The following RAI1 variants were observed in gnomAD, a reference collection of about 807,000 sequenced individuals.
RAI1 encodes retinoic acid induced 1.
A neutral mutation model predicts 123.8 loss-of-function variants in RAI1; 9 were observed. The observed-to-expected ratio is 0.07, with a 90% CI of 0.04 to 0.13. RAI1 has a LOEUF of 0.13. RAI1 is among the 10% of genes least tolerant of loss of function. The pLI is 1.00. For missense variants in RAI1, 2,256 were observed against 2,545.8 expected, an observed-to-expected ratio of 0.89 and a Z score of 2.45; for synonymous variants, 1,231 against 1,127.3, an observed-to-expected ratio of 1.09 and a Z score of -1.84.
rs1016487345 is a variant in RAI1 at position 17,714,818 on chromosome 17, G to A, written c.-148-9210G>A. Among the ~76,000 whole-genome samples the A allele has an allele frequency of 3.9e-5, 6 of 152,220 alleles. No individual in the cohort carries two copies. Among genetic ancestry groups the A allele is most frequent in the African/African-American group, 1.2e-4 (5 of 41,454 alleles). ...TCGTGGTGGGTGAAGGGTCTGGTCC[G>A]CAGGTCTGCTCTCCAAGCTGCCTCG... On this transcript the variant is annotated intron_variant, in intron 1 of 5. Transcript: ENST00000353383. This position sits in a 1 kb window ranked among gnomAD's most constrained non-coding sequence, Gnocchi z 4.9.
intron 1 of RAI1, among the ~76,000 whole-genome samples, chr17:17,693,310 C>T (rs1367417485): frequency 6.6e-6 from 1 of 152,260 alleles, no homozygotes; most frequent in Non-Finnish European, 1.5e-5. Flanking sequence ...TCCCATTCAT[C>T]TCCTTATCTC....
chr17:17,725,604 G>A (rs987811518), intron 2 of RAI1, among the ~76,000 whole-genome samples: 1 of 152,192 alleles, frequency 6.6e-6, no homozygotes, highest in Admixed American at 6.5e-5. Flanking sequence ...TCCATCGGGG[G>A]ATGCAGAGGA....
chr17:17,788,802 C>T lies in RAI1; in HGVS notation c.-16-4131C>T, dbSNP rs906214242. On this transcript the variant is annotated intron_variant, in intron 2 of 5. Coordinates refer to ENST00000353383, the MANE Select transcript of RAI1 (RefSeq NM_030665.4). ...TAGGAAAAAATTCCAGCCACCACCT[C>T]CCAGCTGGGCTCCCTCAGGAGCCAC... Among the ~76,000 whole-genome samples, 4 of 152,290 alleles carry T rather than the reference C, an allele frequency of 2.6e-5. No individual in the cohort carries two copies. In the East Asian group the frequency reaches 5.8e-4, roughly 22 times the overall value.
rs748725137 is a variant in RAI1 at position 17,692,426 on chromosome 17, C to G, written c.-149+10633C>G. Among the ~76,000 whole-genome samples the G allele has an allele frequency of 1.0e-3, 159 of 152,260 alleles. 1 individual carries two copies. Among genetic ancestry groups the G allele is most frequent in the Admixed American group, 3.0e-3 (46 of 15,298 alleles). On this transcript the variant is annotated intron_variant, in intron 1 of 5. Transcript: ENST00000353383. ...ACTATTGTGCCAGGCATTGGGTGGT[C>G]CTCGCTAAGTCTTATTAACTGCCCT...
chr17:17,744,748 C>T (rs1380994590), intron 2 of RAI1, among the ~76,000 whole-genome samples: 1 of 145,940 alleles, frequency 6.9e-6, no homozygotes, highest in Non-Finnish European at 1.5e-5. Context: ...CGAGATTGTG[C>T]CACTGCACTC....
intron 2 of RAI1, among the ~76,000 whole-genome samples, chr17:17,732,410 G>A (rs1916300232): frequency 6.6e-6 from 1 of 152,136 alleles, no homozygotes; most frequent in Admixed American, 6.5e-5. Flanking sequence ...CTGGGAGAGG[G>A]GGATGGGATC....
chr17:17,753,239 G>A (rs1388240093), intron 2 of RAI1, among the ~76,000 whole-genome samples: 1 of 152,206 alleles, frequency 6.6e-6, no homozygotes, highest in Admixed American at 6.5e-5. Flanking sequence ...AGGCTGGAGG[G>A]GCCTGGAGTG....
At chr17:17,783,914 C>T (rs541280111) in intron 2 of RAI1, among the ~76,000 whole-genome samples, 2 of 152,304 alleles carry the variant, frequency 1.3e-5, no homozygotes, top group African/African-American at 4.8e-5. Context: ...GGAAAGCCGG[C>T]CCCGCTTTCA....
chr17:17,756,683 G>T lies in RAI1; in HGVS notation c.-17+32524G>T, dbSNP rs149145838. On this transcript the variant is annotated intron_variant, in intron 2 of 5. Coordinates refer to ENST00000353383, the MANE Select transcript of RAI1 (RefSeq NM_030665.4). ...TTGAGCGCCTACTACGTGCTAATCT[G>T]TCCCAGGTGCTCAGGACACAGTGTG... 3.9e-3 allele frequency among the ~76,000 whole-genome samples: 600 copies of T among 152,270 alleles called. 6 individuals carry two copies. The highest frequency in any genetic ancestry group is 4.6e-3 in the Non-Finnish European group (312 of 68,024).
In RAI1 at chr17:17,810,971, CCGCCGTGCGTCGT is replaced by C. The variant is rs2032749641; in HGVS notation, c.*991_*1003del. On this transcript the variant is annotated 3_prime_UTR_variant, in exon 6 of 6. Coordinates refer to ENST00000353383, the MANE Select transcript of RAI1 (RefSeq NM_030665.4). The surrounding 1 kb of genome is among the most constrained non-coding windows in gnomAD (Gnocchi z 4.6). ...ACATGCTCGCTTCTCCCGTGTGTCG[CCGCCGTGCGTCGT>C]GCGCCCGCAACAGAGCCCCAACCGG... 3 of 325,846 alleles carry C rather than the reference CCGCCGTGCGTCGT, an allele frequency of 9.2e-6. No homozygotes were observed. Among genetic ancestry groups the C allele is most frequent in the Admixed American group, 4.0e-5 (1 of 25,176 alleles). The allele number at this position is 325,846 out of a possible 1,614,324, so 20.2% of individuals were successfully genotyped here.
intron 4 of RAI1, among the ~76,000 whole-genome samples, chr17:17,806,409 C>A (rs564104745): frequency 1.2e-4 from 19 of 152,298 alleles, no homozygotes; most frequent in African/African-American, 4.6e-4. Flanking sequence ...AGACATACAC[C>A]TCAGAGACTG....
At chr17:17,748,243 C>T (rs1348893290) in intron 2 of RAI1, among the ~76,000 whole-genome samples, 1 of 152,230 alleles carries the variant, frequency 6.6e-6, no homozygotes, top group African/African-American at 2.4e-5. Context: ...GGAGATGGGG[C>T]AGATGCCCAA....
At chr17:17,711,248 AAC>A (rs1259878312) in intron 1 of RAI1, among the ~76,000 whole-genome samples, 1 of 152,146 alleles carries the variant, frequency 6.6e-6, no homozygotes, top group Non-Finnish European at 1.5e-5. Flanking sequence ...CCTCGACAGA[AAC>A]ACACAGGCCC....
intron 1 of RAI1, among the ~76,000 whole-genome samples, chr17:17,682,219 G>C (rs1287216146): frequency 1.3e-5 from 2 of 152,096 alleles, no homozygotes; most frequent in Non-Finnish European, 1.5e-5. Flanking sequence ...CGTCCGAGGT[G>C]GGGGACGGGG....
At chr17:17,780,871 C>G (rs546178746) in intron 2 of RAI1, among the ~76,000 whole-genome samples, 1 of 152,198 alleles carries the variant, frequency 6.6e-6, no homozygotes, top group East Asian at 1.9e-4. Flanking sequence ...AGGCTGTGTC[C>G]CTGTCTCTCC....
intron 1 of RAI1, among the ~76,000 whole-genome samples, chr17:17,718,788 G>A (rs1915790327): frequency 6.6e-6 from 1 of 152,100 alleles, no homozygotes; most frequent in Admixed American, 6.5e-5. Context: ...ACAGGGCACA[G>A]CTCCTGGTAC....
At chr17:17,751,880 T>A (rs940504708) in intron 2 of RAI1, among the ~76,000 whole-genome samples, 4 of 152,178 alleles carry the variant, frequency 2.6e-5, no homozygotes, top group African/African-American at 9.7e-5. Context: ...ATTTACTGAT[T>A]TATGTTGCTG....
chr17:17,715,540 G>A (rs541859569), intron 1 of RAI1, among the ~76,000 whole-genome samples: 184 of 152,292 alleles, frequency 1.2e-3, no homozygotes, highest in African/African-American at 4.1e-3. Context: ...ACACCAGACC[G>A]GGAGGAGAAG....
intron 2 of RAI1, among the ~76,000 whole-genome samples, chr17:17,758,578 C>T (rs1014185052): frequency 6.6e-6 from 1 of 152,260 alleles, no homozygotes; most frequent in Middle Eastern, 3.2e-3. Flanking sequence ...GTCAGCTAGA[C>T]GTTCCTGAGT....
Sources: gnomAD v4.1 joint callset for allele counts (sites outside exome capture counted in the v4.1 genomes callset) on GRCh38, gnomAD v4.1.1 for gene constraint, Gnocchi (gnomAD v3.1) non-coding constraint, MANE v1.5 for transcripts, NCBI Gene and HGNC (gene_info 2026-07-23, HGNC 2026-07-21) for gene names.